The following AFF3 variants were observed in gnomAD, a reference collection of about 807,000 sequenced individuals.
The protein encoded by AFF3 is AF4/FMR2 family member 3.
A neutral mutation model predicts 129.7 loss-of-function variants in AFF3; 32 were observed. That is an observed-to-expected ratio of 0.25 (90% confidence interval 0.19 to 0.33). The LOEUF is 0.33. Among genes scored for constraint, AFF3 ranks in the 10% least tolerant of loss-of-function variants. The pLI, the probability that AFF3 is intolerant of heterozygous loss-of-function variation, is 1.00. For synonymous variants in AFF3, 644 were observed against 635.4 expected (o/e 1.01, Z -0.20); for missense variants, 1,373 against 1,592.0 (o/e 0.86, Z 2.34).
intron 8 of AFF3, among the ~76,000 whole-genome samples, chr2:99,799,326 GA>G (rs1315012680): frequency 6.6e-6 from 1 of 151,622 alleles, no homozygotes; most frequent in African/African-American, 2.4e-5. Flanking sequence ...AAAGAATAGT[GA>G]AAAGAGAAAA....
At chr2:100,077,839 C>T (rs991153644) in intron 4 of AFF3, among the ~76,000 whole-genome samples, 28 of 151,970 alleles carry the variant, frequency 1.8e-4, no homozygotes, top group African/African-American at 6.8e-4. Flanking sequence ...GCCATTTAAG[C>T]CAAGCCTCTA....
intron 2 of AFF3, among the ~76,000 whole-genome samples, chr2:100,129,012 A>G (rs1334718796): frequency 2.0e-5 from 3 of 152,168 alleles, no homozygotes; most frequent in Non-Finnish European, 4.4e-5. Context: ...TCTGGACACA[A>G]CACAGGCCCA....
At position 99,898,076 on chromosome 2, in the gene AFF3, G is replaced by A. The variant is rs540080404; in HGVS notation, c.874-60552C>T. On this transcript the variant is annotated intron_variant, in intron 7 of 24. Transcript: ENST00000672756. ...TAGCTCCCTCTGTAATTTCCACCAA[G>A]TACACGACAATGTTATATGAGAACC... Among the ~76,000 whole-genome samples, 10 of 152,288 alleles carry A rather than the reference G, an allele frequency of 6.6e-5. No homozygotes were observed. In the South Asian group the frequency reaches 2.1e-3, roughly 32 times the overall value.
chr2:99,700,206 C>T (rs780176989), intron 11 of AFF3, among the ~76,000 whole-genome samples: 8 of 152,082 alleles, frequency 5.3e-5, no homozygotes, highest in Non-Finnish European at 1.0e-4. Context: ...ATGCAACCTC[C>T]GCCTGCCGGG....
At chr2:100,037,214 G>T (rs1267683870) in intron 4 of AFF3, among the ~76,000 whole-genome samples, 1 of 151,476 alleles carries the variant, frequency 6.6e-6, no homozygotes, top group East Asian at 1.9e-4. Flanking sequence ...ACAAGTTATG[G>T]TATATTTATG....
At chr2:99,833,094 C>T (rs1203141630) in intron 8 of AFF3, among the ~76,000 whole-genome samples, 2 of 152,170 alleles carry the variant, frequency 1.3e-5, no homozygotes, top group East Asian at 1.9e-4. Context: ...AGTATGTTTT[C>T]ATTTGATTGA....
chr2:99,554,650 C>T (rs1403214268), intron 23 of AFF3, 33 bp downstream of exon 23: 6 of 1,614,054 alleles, frequency 3.7e-6, no homozygotes, highest in Non-Finnish European at 4.2e-6. Flanking sequence ...CATTGTCTGG[C>T]TTACGGCATT....
At chr2:99,981,980 C>A (rs1318446044) in intron 7 of AFF3, among the ~76,000 whole-genome samples, 3 of 152,122 alleles carry the variant, frequency 2.0e-5, no homozygotes, top group Non-Finnish European at 2.9e-5. Flanking sequence ...GAAGCCAGTA[C>A]CTTCTGTTGC....
chr2:99,926,521 T>C (rs577971408), intron 7 of AFF3, among the ~76,000 whole-genome samples: 1 of 152,300 alleles, frequency 6.6e-6, no homozygotes, highest in South Asian at 2.1e-4. Context: ...TACACATACA[T>C]ACATATAGGA....
intron 8 of AFF3, among the ~76,000 whole-genome samples, chr2:99,768,669 T>C (rs1683214286): frequency 1.3e-5 from 2 of 152,244 alleles, no homozygotes; most frequent in African/African-American, 4.8e-5. Flanking sequence ...GCATTTCTTA[T>C]ACGACAGGTC....
chr2:100,115,024 G>C (rs1253812422), intron 2 of AFF3, among the ~76,000 whole-genome samples: 1 of 152,162 alleles, frequency 6.6e-6, no homozygotes, highest in Non-Finnish European at 1.5e-5. Context: ...TGTTATGCAA[G>C]GTGATGATCA....
At chr2:99,623,581 C>T (rs987618972) in intron 13 of AFF3, among the ~76,000 whole-genome samples, 9 of 152,278 alleles carry the variant, frequency 5.9e-5, no homozygotes, top group Non-Finnish European at 1.0e-4. Context: ...TGGGCCCAAC[C>T]GACACGGGAG....
At chr2:99,984,060 G>C (rs935424969) in intron 7 of AFF3, among the ~76,000 whole-genome samples, 2 of 151,876 alleles carry the variant, frequency 1.3e-5, no homozygotes, top group African/African-American at 4.8e-5. Context: ...AATATAGAAG[G>C]GTTTTGCCCC....
intron 7 of AFF3, among the ~76,000 whole-genome samples, chr2:99,981,733 T>C (rs1466903088): frequency 6.6e-6 from 1 of 152,244 alleles, no homozygotes; most frequent in Non-Finnish European, 1.5e-5. Flanking sequence ...GAGTACTTCA[T>C]ATCTTAAGGA....
At chr2:99,748,497 A>G (rs1424158374) in intron 9 of AFF3, among the ~76,000 whole-genome samples, 1 of 152,098 alleles carries the variant, frequency 6.6e-6, no homozygotes, top group Non-Finnish European at 1.5e-5. Context: ...GCTGAAAGTG[A>G]TGTGGTGACT....
At chr2:99,653,588 T>C (rs995548434) in intron 12 of AFF3, among the ~76,000 whole-genome samples, 4 of 152,180 alleles carry the variant, frequency 2.6e-5, no homozygotes, top group Non-Finnish European at 4.4e-5. Flanking sequence ...TGCCTAGGAA[T>C]TGAGGCATCC....
chr2:100,120,981 A>G (rs993838005), intron 2 of AFF3, among the ~76,000 whole-genome samples: 10 of 152,168 alleles, frequency 6.6e-5, no homozygotes, highest in Non-Finnish European at 1.3e-4. Context: ...CTAAGTAAGG[A>G]TAGAAATAGA....
chr2:99,720,544 G>C (rs930323903), intron 11 of AFF3, among the ~76,000 whole-genome samples: 1 of 152,112 alleles, frequency 6.6e-6, no homozygotes, highest in African/African-American at 2.4e-5. Flanking sequence ...CGCGAGCTAA[G>C]GATGCCTCTT....
At position 99,567,402 on chromosome 2, in the gene AFF3, T is replaced by C. The variant is rs373559341; in HGVS notation, c.2982+1450A>G. Among the ~76,000 whole-genome samples the C allele has an allele frequency of 1.5e-4, 23 of 152,264 alleles. No individual in the cohort carries two copies. In the South Asian group the frequency reaches 4.8e-3, roughly 32 times the overall value. On this transcript the variant is annotated intron_variant, in intron 19 of 24. Coordinates refer to ENST00000672756, the MANE Select transcript of AFF3 (RefSeq NM_001386135.1). Reference sequence around the variant, plus strand: ...CAAGCGAAAGCTCTTTCCAGGAACATATAATAGACTTGGAGAGAGAAAATG... The same window carrying C: ...CAAGCGAAAGCTCTTTCCAGGAACACATAATAGACTTGGAGAGAGAAAATG...
Sources: gnomAD v4.1 joint callset for allele counts (sites outside exome capture counted in the v4.1 genomes callset) on GRCh38, gnomAD v4.1.1 for gene constraint, MANE v1.5 for transcripts, NCBI Gene and HGNC (gene_info 2026-07-23, HGNC 2026-07-21) for gene names.